Variants in TRIO observed in about 807,000 individuals in gnomAD.
TRIO encodes the protein trio Rho guanine nucleotide exchange factor.
A neutral mutation model predicts 351.9 loss-of-function variants in TRIO; 58 were observed. The observed-to-expected ratio is 0.16, with a 90% CI of 0.13 to 0.21. TRIO has a LOEUF of 0.21. Among genes scored for constraint, TRIO ranks in the 10% least tolerant of loss-of-function variants. The pLI, the probability that TRIO is intolerant of heterozygous loss-of-function variation, is 1.00. For missense variants in TRIO, 3,201 were observed against 4,027.8 expected (o/e 0.79, Z 5.56); for synonymous variants, 1,758 against 1,595.7 (o/e 1.10, Z -2.42).
intron 35 of TRIO, 99 bp from the exon 36 acceptor site, chr5:14,462,656 A>G (rs1753916198): frequency 6.7e-7 from 1 of 1,497,516 alleles, no homozygotes; most frequent in Non-Finnish European, 9.1e-7. Flanking sequence ...GATTTCTGCC[A>G]TCCCAGTCTC....
At chr5:14,241,089 A>G (rs1794099132) in intron 1 of TRIO, among the ~76,000 whole-genome samples, 2 of 152,200 alleles carry the variant, frequency 1.3e-5, no homozygotes, top group Non-Finnish European at 2.9e-5. Context: ...TTTATTTATC[A>G]GTGTTAGAAT....
At chr5:14,282,964 T>G (rs17302408) in intron 3 of TRIO, among the ~76,000 whole-genome samples, 21,196 of 152,138 alleles carry the variant, frequency 0.14, 1,722 homozygotes, top group Admixed American at 0.22. Flanking sequence ...TAGTCCAAAT[T>G]GAAAGAAGTG....
intron 1 of TRIO, among the ~76,000 whole-genome samples, chr5:14,210,125 TGGA>T (rs1266021751): frequency 6.6e-6 from 1 of 152,200 alleles, no homozygotes; most frequent in African/African-American, 2.4e-5. Context: ...GGGAGTCAGA[TGGA>T]GGAGCGGTCG....
At chr5:14,360,007 C>T (rs1230820254) in intron 13 of TRIO, among the ~76,000 whole-genome samples, 1 of 152,092 alleles carries the variant, frequency 6.6e-6, no homozygotes, top group African/African-American at 2.4e-5. Flanking sequence ...TTCTCTCTCT[C>T]TCCACCTTCT....
At chr5:14,375,875 T>C (rs143743587) in intron 19 of TRIO, among the ~76,000 whole-genome samples, 4 of 152,334 alleles carry the variant, frequency 2.6e-5, no homozygotes, top group African/African-American at 9.6e-5. Flanking sequence ...ACTTCAGATT[T>C]CAAAGTTTTA....
Position 14,419,951 on chromosome 5 carries a change from C to G in TRIO, c.5133C>G (p.Val1711=). The G allele has an allele frequency of 6.2e-7, 1 of 1,614,166 alleles. No individual in the cohort carries two copies. Reference sequence around the variant, plus strand: ...GCTCCCCAGCGGCAGAAGGCCTGGTCCCCTGTGGTTCACTGTGCATCGCCC... The same window carrying G: ...GCTCCCCAGCGGCAGAAGGCCTGGTGCCCTGTGGTTCACTGTGCATCGCCC... ...TDRSPAAEGL[V]PCGSLCIAHS... Residue 1711 remains valine, a synonymous_variant, in exon 34 of 57, where the codon GTC becomes GTG. Transcript: ENST00000344204.
intron 6 of TRIO, among the ~76,000 whole-genome samples, chr5:14,294,171 G>A (rs1013513840): frequency 5.3e-5 from 8 of 152,116 alleles, no homozygotes; most frequent in Non-Finnish European, 1.0e-4. Flanking sequence ...GGGTGACAGA[G>A]CAAGACCTTG....
At chr5:14,319,511 T>A (rs1290600070) in intron 9 of TRIO, among the ~76,000 whole-genome samples, 1 of 152,198 alleles carries the variant, frequency 6.6e-6, no homozygotes, top group Non-Finnish European at 1.5e-5. Context: ...ATAGTAGTAC[T>A]TTAGAAGGAC....
intron 1 of TRIO, among the ~76,000 whole-genome samples, chr5:14,182,042 T>G (rs1257331743): frequency 2.0e-5 from 3 of 152,234 alleles, no homozygotes; most frequent in African/African-American, 7.2e-5. Flanking sequence ...ACTTCCCACA[T>G]ATCATTGAAT....
chr5:14,409,589 C>T (rs965518347), intron 33 of TRIO, among the ~76,000 whole-genome samples: 2 of 152,086 alleles, frequency 1.3e-5, no homozygotes, highest in Non-Finnish European at 2.9e-5. Flanking sequence ...AATCCCAGCA[C>T]TTAGGGAGGC....
At chr5:14,187,428 C>T (rs1790190286) in intron 1 of TRIO, among the ~76,000 whole-genome samples, 1 of 152,008 alleles carries the variant, frequency 6.6e-6, no homozygotes, top group African/African-American at 2.4e-5. Flanking sequence ...AAATTGTAAA[C>T]ATCTGTGTTG....
At chr5:14,380,273 T>TCCTCCTTCGCGCCCCGCCG (rs1745960719) in intron 20 of TRIO, among the ~76,000 whole-genome samples, 4 of 27,574 alleles carry the variant, frequency 1.5e-4, no homozygotes, top group African/African-American at 7.4e-4. Flanking sequence ...GCGCCCCGCC[T>TCCTCCTTCGCGCCCCGCCG]CCTCCTTCGC....
At chr5:14,149,877 A>G (rs1052938451) in intron 1 of TRIO, among the ~76,000 whole-genome samples, 1 of 152,236 alleles carries the variant, frequency 6.6e-6, no homozygotes, top group Admixed American at 6.5e-5. Context: ...TTCTAGGTCT[A>G]GGGTACTTTG....
intron 37 of TRIO, among the ~76,000 whole-genome samples, chr5:14,469,339 A>G (rs1754507941): frequency 6.6e-6 from 1 of 152,240 alleles, no homozygotes; most frequent in Non-Finnish European, 1.5e-5. Flanking sequence ...GAAAAAACTG[A>G]GGAAATTCAA....
At chr5:14,486,103 G>A (rs2126628589) in intron 47 of TRIO, among the ~76,000 whole-genome samples, 1 of 152,310 alleles carries the variant, frequency 6.6e-6, no homozygotes, top group African/African-American at 2.4e-5. Context: ...GCCTCTTAAT[G>A]TATTTGATCT....
intron 56 of TRIO, 96 bp downstream of exon 56, chr5:14,507,356 C>T: frequency 6.5e-7 from 1 of 1,537,038 alleles, no homozygotes; most frequent in Non-Finnish European, 8.7e-7. Context: ...CAGGAGCCCC[C>T]AAGTGACTAG....
Position 14,398,859 on chromosome 5 carries a change from C to T in TRIO, c.4424-21C>T, listed in dbSNP as rs778160303. Reference sequence around the variant, plus strand: ...TTATTTTTCTTTTAAATTGATTTGCCTCCCTTTTTTCATGTTGTAGGGTTT... The same window carrying T: ...TTATTTTTCTTTTAAATTGATTTGCTTCCCTTTTTTCATGTTGTAGGGTTT... On this transcript the variant is annotated intron_variant, in intron 29 of 56. Transcript: ENST00000344204. 8.9e-6 allele frequency: 14 copies of T among 1,573,198 alleles called. 1 individual carries two copies. The South Asian group carries it at 1.4e-4, about 16-fold the overall frequency.
intron 34 of TRIO, among the ~76,000 whole-genome samples, chr5:14,424,259 C>T (rs182196399): frequency 1.6e-4 from 25 of 152,194 alleles, no homozygotes; most frequent in Non-Finnish European, 3.4e-4. Context: ...TCAAAACTGC[C>T]GTTTCCTTAC....
chr5:14,291,519 G>A (rs906328464), intron 5 of TRIO, among the ~76,000 whole-genome samples: 4 of 151,670 alleles, frequency 2.6e-5, no homozygotes, highest in Non-Finnish European at 4.4e-5. Context: ...CATTTCGGCC[G>A]TGCTCACGCC....
Sources: gnomAD v4.1 joint callset for allele counts (sites outside exome capture counted in the v4.1 genomes callset) on GRCh38, gnomAD v4.1.1 for gene constraint, MANE v1.5 for transcripts, NCBI Gene and HGNC (gene_info 2026-07-23, HGNC 2026-07-21) for gene names.